KDM2A: variants seen among roughly 807,000 people sequenced by gnomAD.
KDM2A encodes the protein lysine-specific demethylase 2A.
KDM2A carries 3 observed loss-of-function variants against 137.3 expected under a neutral mutation model. The ratio of observed to expected loss-of-function variants is 0.02; its 90% CI spans 0.01 to 0.06. KDM2A has a LOEUF of 0.06. Among genes scored for constraint, KDM2A ranks in the 10% least tolerant of loss-of-function variants. The probability of loss-of-function intolerance (pLI) is 1.00; values close to 1 mark genes in which losing one functional copy is unlikely to be tolerated. For synonymous variants in KDM2A, 512 were observed against 541.5 expected (o/e 0.95, Z 0.76); for missense variants, 738 against 1,510.6 (o/e 0.49, Z 8.48).
intron 2 of KDM2A, among the ~76,000 whole-genome samples, chr11:67,152,764 C>T (rs1402844592): frequency 1.3e-5 from 2 of 152,038 alleles, no homozygotes; most frequent in Admixed American, 6.6e-5. Context: ...TGGATCATTC[C>T]ATAGCAGATG....
At position 67,252,862 on chromosome 11, in the gene KDM2A, G is replaced by A; in HGVS notation, c.2932+5G>A. 6.2e-7 allele frequency: 1 copy of A among 1,602,058 alleles called. No homozygotes were observed. The highest frequency in any genetic ancestry group is 1.1e-5 in the South Asian group (1 of 90,610). The stretch of plus-strand genomic sequence containing the variant: ...GGCTCGTCAATAGGCTGCCAGGTAA[G>A]TGAGCAGCCCTGCCGCTGTCTTTCC... On this transcript the variant is annotated splice_donor_5th_base_variant and intron_variant, in intron 18 of 20. Transcript: ENST00000529006.
intron 12 of KDM2A, among the ~76,000 whole-genome samples, chr11:67,236,737 A>T (rs1026440798): frequency 2.0e-5 from 3 of 152,178 alleles, no homozygotes; most frequent in Admixed American, 6.5e-5. Context: ...AAGATTAGTA[A>T]AATACTTAAT....
chr11:67,165,698 C>T (rs573473884), intron 2 of KDM2A, among the ~76,000 whole-genome samples: 1 of 152,072 alleles, frequency 6.6e-6, no homozygotes, highest in South Asian at 2.1e-4. Context: ...TCCCTTAATT[C>T]ACTTAAAGAC....
intron 5 of KDM2A, among the ~76,000 whole-genome samples, chr11:67,192,433 C>CTTTTTTTTTTTTTTTTTTTTTTT: frequency 1.4e-5 from 1 of 70,558 alleles, no homozygotes; most frequent in East Asian, 4.3e-4. Flanking sequence ...GTTTCCATTT[C>CTTTTTTTTTTTTTTTTTTTTTTT]TTTTTTTTTT....
Position 67,255,405 on chromosome 11 carries a change from C to T in KDM2A, c.*350C>T. On this transcript the variant is annotated 3_prime_UTR_variant, in exon 21 of 21. Transcript: ENST00000529006. ...TGCACTGGGCCCTGTGCCCCTCCTCCCCATCCATGGTCCCCAGCAGTGCCT... is the reference window on the plus strand; with the variant it reads ...TGCACTGGGCCCTGTGCCCCTCCTCTCCATCCATGGTCCCCAGCAGTGCCT... The T allele has an allele frequency of 4.2e-6, 2 of 471,878 alleles. No homozygotes were observed. The highest frequency in any genetic ancestry group is 1.6e-5 in the South Asian group (1 of 64,170). 29.2% of individuals were successfully genotyped at this position (471,878 alleles called of 1,614,324 possible). A position where few individuals can be genotyped will look rare whatever the true frequency, so the allele number is the denominator to read the frequency against.
At chr11:67,178,680 A>C (rs1857021989) in intron 2 of KDM2A, among the ~76,000 whole-genome samples, 1 of 151,978 alleles carries the variant, frequency 6.6e-6, no homozygotes, top group African/African-American at 2.4e-5. Context: ...TATTTGGCAT[A>C]ATGTTTTCAG....
intron 2 of KDM2A, among the ~76,000 whole-genome samples, chr11:67,175,828 T>C (rs1173443022): frequency 1.3e-5 from 2 of 152,202 alleles, no homozygotes; most frequent in South Asian, 2.1e-4. Flanking sequence ...CTAAAAGTGA[T>C]TCTGGGAAAC....
intron 5 of KDM2A, among the ~76,000 whole-genome samples, chr11:67,191,815 A>G (rs12421536): frequency 0.039 from 5,926 of 152,336 alleles, 459 homozygotes; most frequent in Admixed American, 0.18. Flanking sequence ...TATTCAATGT[A>G]GCACTGGAAG....
chr11:67,190,953 G>T (rs1165466790), intron 5 of KDM2A, among the ~76,000 whole-genome samples: 1 of 152,198 alleles, frequency 6.6e-6, no homozygotes, highest in Admixed American at 6.5e-5. Flanking sequence ...GGCTGGGCCT[G>T]ATGGCTTTGG....
At position 67,254,935 on chromosome 11, in the gene KDM2A, G is replaced by C; in HGVS notation, c.3369G>C (p.Leu1123Phe). The change falls in exon 21 of 21, where the codon TTG becomes TTC. Residue 1123 changes from leucine to phenylalanine, a missense_variant. By Grantham distance (22) the Leu-to-Phe change is conservative. Coordinates refer to ENST00000529006, the MANE Select transcript of KDM2A (RefSeq NM_012308.3). The surrounding 1 kb of genome is among the most constrained non-coding windows in gnomAD (Gnocchi z 4.7). Reference protein sequence around the residue: ...IYLRRIANVTLIDLRGCKQIT... With the variant: ...IYLRRIANVTFIDLRGCKQIT... ...TACGGCGCATTGCCAACGTCACCTTGATCGACCTTCGAGGATGCAAGCAGA... is the reference window on the plus strand; with the variant it reads ...TACGGCGCATTGCCAACGTCACCTTCATCGACCTTCGAGGATGCAAGCAGA... 1 of 1,613,994 alleles carries C rather than the reference G, an allele frequency of 6.2e-7. No individual in the cohort carries two copies. Among genetic ancestry groups the C allele is most frequent in the Non-Finnish European group, 8.5e-7 (1 of 1,179,904 alleles).
rs1221118068 is a variant in KDM2A, at chr11:67,250,679, T to C, written c.2649T>C (p.Ser883=). 1 of 1,603,546 alleles carries C rather than the reference T, an allele frequency of 6.2e-7. No individual in the cohort carries two copies. The highest frequency in any genetic ancestry group is 2.2e-5 in the East Asian group (1 of 44,702). The change falls in exon 17 of 21, where the codon AGT becomes AGC. Residue 883 remains serine (S), a synonymous_variant. Transcript: ENST00000529006. This position sits in a 1 kb window ranked among gnomAD's most constrained non-coding sequence, Gnocchi z 7.1. ...GGAARLNGRG[S]WAQDGDESWM... ...CAGCCAGGCTGAATGGCCGGGGCAGTTGGGCTCAGGATGGAGACGAAAGCT... is the reference window on the plus strand; with the variant it reads ...CAGCCAGGCTGAATGGCCGGGGCAGCTGGGCTCAGGATGGAGACGAAAGCT...
At chr11:67,168,427 AT>A (rs1856795389) in intron 2 of KDM2A, among the ~76,000 whole-genome samples, 1 of 152,064 alleles carries the variant, frequency 6.6e-6, no homozygotes, top group Non-Finnish European at 1.5e-5. Flanking sequence ...TTATTTACAT[AT>A]TTGTTGCCCC....
intron 2 of KDM2A, among the ~76,000 whole-genome samples, chr11:67,135,842 A>G (rs1565372608): frequency 1.3e-5 from 2 of 152,206 alleles, no homozygotes; most frequent in Non-Finnish European, 2.9e-5. Context: ...ATCTATGTGA[A>G]TAAAGATGCC....
chr11:67,181,562 A>G (rs1857091444), intron 4 of KDM2A, among the ~76,000 whole-genome samples, 164 bp downstream of exon 4: 1 of 151,820 alleles, frequency 6.6e-6, no homozygotes, highest in South Asian at 2.1e-4. Flanking sequence ...AGTGTTTCAT[A>G]TTAGAGGTAA....
At chr11:67,201,116 C>T (rs1219443484) in intron 5 of KDM2A, among the ~76,000 whole-genome samples, 2 of 151,552 alleles carry the variant, frequency 1.3e-5, no homozygotes, top group Non-Finnish European at 2.9e-5. Context: ...ATGGCGTGAA[C>T]CCGGGAGGCG....
intron 5 of KDM2A, among the ~76,000 whole-genome samples, chr11:67,186,908 C>T (rs569627170): frequency 3.3e-5 from 5 of 152,132 alleles, no homozygotes; most frequent in South Asian, 4.1e-4. Context: ...TTTCTTCCAC[C>T]CCATGAATGA....
intron 13 of KDM2A, among the ~76,000 whole-genome samples, chr11:67,244,308 G>A (rs1215889272): frequency 3.3e-5 from 5 of 152,218 alleles, no homozygotes; most frequent in Admixed American, 2.0e-4. Flanking sequence ...GCTAAGAAAT[G>A]TGTTCCACAC....
chr11:67,229,146 C>A (rs1359103915), intron 11 of KDM2A, among the ~76,000 whole-genome samples: 22 of 152,194 alleles, frequency 1.4e-4, no homozygotes, highest in Admixed American at 8.5e-4. Flanking sequence ...TTATGAAATT[C>A]TTATTATTAC....
chr11:67,209,306 A>G (rs753775499), intron 6 of KDM2A, among the ~76,000 whole-genome samples: 2 of 152,148 alleles, frequency 1.3e-5, no homozygotes, highest in Non-Finnish European at 2.9e-5. Context: ...GGTGGTTAGA[A>G]TTTAGCCTTC....
Sources: allele counts gnomAD v4.1 joint callset (sites outside exome capture counted in the v4.1 genomes callset), GRCh38; gene constraint gnomAD v4.1.1; non-coding constraint Gnocchi (gnomAD v3.1); transcripts MANE v1.5; gene names NCBI Gene and HGNC (gene_info 2026-07-23, HGNC 2026-07-21).